Variants in ACO2 observed in about 807,000 individuals in gnomAD.
The protein encoded by ACO2 is aconitase 2.
Under a neutral mutation model 84.5 loss-of-function variants are expected in ACO2, and 31 were observed. The observed-to-expected ratio is 0.37, with a 90% CI of 0.28 to 0.50. The LOEUF is 0.50. ACO2 is among the 20% of genes least tolerant of loss of function. The probability of loss-of-function intolerance (pLI) is 0.97; values close to 1 mark genes in which losing one functional copy is unlikely to be tolerated. For missense variants in ACO2, 685 were observed against 1,029.3 expected (o/e 0.67, Z 4.58); for synonymous variants, 414 against 412.7 (o/e 1.00, Z -0.04).
At chr22:41,485,669 T>C (rs1427857171) in intron 1 of ACO2, among the ~76,000 whole-genome samples, 1 of 151,716 alleles carries the variant, frequency 6.6e-6, no homozygotes, top group Non-Finnish European at 1.5e-5. Flanking sequence ...GGTCTCGATC[T>C]CCTGACCTTG....
At chr22:41,508,080 A>C (rs2066407680) in intron 3 of ACO2, 31 bp downstream of exon 3, 2 of 1,593,698 alleles carry the variant, frequency 1.3e-6, no homozygotes, top group Non-Finnish European at 1.7e-6. Flanking sequence ...GGGGTGGGCA[A>C]GTGGGCAAGA....
intron 3 of ACO2, among the ~76,000 whole-genome samples, chr22:41,508,567 C>T (rs1205949932): frequency 2.6e-5 from 4 of 152,228 alleles, no homozygotes; most frequent in Non-Finnish European, 5.9e-5. Flanking sequence ...AATGCTGATC[C>T]TGGCTCCCAC....
At chr22:41,525,158 CT>C in intron 13 of ACO2, 34 bp from the exon 14 acceptor site, 1 of 1,609,472 alleles carries the variant, frequency 6.2e-7, no homozygotes, top group Non-Finnish European at 8.5e-7. Context: ...GAACTGAGGA[CT>C]CAGCACCCCA....
intron 3 of ACO2, among the ~76,000 whole-genome samples, chr22:41,510,099 G>GT (rs1043554926): frequency 1.6e-4 from 25 of 152,174 alleles, no homozygotes; most frequent in African/African-American, 5.8e-4. Flanking sequence ...GCCTCCCAAA[G>GT]TGCTGGGATT....
At chr22:41,499,891 G>A (rs2066341751) in intron 2 of ACO2, 29 bp downstream of exon 2, 2 of 1,610,692 alleles carry the variant, frequency 1.2e-6, no homozygotes, top group African/African-American at 1.3e-5. Context: ...GGCTGTGACT[G>A]TCAAGGGCAT....
At position 41,519,326 on chromosome 22, in the gene ACO2, G is replaced by A. The variant is rs955371642; in HGVS notation, c.1032+754G>A. On this transcript the variant is annotated intron_variant, in intron 8 of 17. Transcript: ENST00000216254. ...ACTTAAGTTGTGTGGCCTTGGTCAC[G>A]CACTTAGCCTCTGTAGGCCCCTTGC... 3.1e-4 allele frequency among the ~76,000 whole-genome samples: 47 copies of A among 152,198 alleles called. 1 individual carries two copies. Among genetic ancestry groups the A allele is most frequent in the Admixed American group, 2.9e-3 (44 of 15,278 alleles).
chr22:41,520,320 G>C, intron 9 of ACO2, 44 bp downstream of exon 9: 2 of 1,504,468 alleles, frequency 1.3e-6, no homozygotes, highest in Non-Finnish European at 1.8e-6. Flanking sequence ...CTCAGGGCCA[G>C]TGGCTCTGCC....
At chr22:41,527,591 G>A in intron 16 of ACO2, 171 bp downstream of exon 16, 1 of 946,368 alleles carries the variant, frequency 1.1e-6, no homozygotes, top group Non-Finnish European at 1.5e-6. Context: ...CCGACGCTCA[G>A]CTTCCCGGCT....
chr22:41,523,833 G>T lies in ACO2; in HGVS notation c.1374G>T (p.Lys458Asn). 6.2e-7 allele frequency: 1 copy of T among 1,611,994 alleles called. No individual in the cohort carries two copies. The highest frequency in any genetic ancestry group is 8.5e-7 in the Non-Finnish European group (1 of 1,179,830). ...CGPCIGQWDR[K>N]DIKKGEKNTI... ...CCTGATCCCTCTGACCTGGCAGGAA[G>T]GACATCAAGAAGGGGGAGAAGAACA... Residue 458 changes from lysine to asparagine, a missense_variant, in exon 12 of 18, where the codon AAG becomes AAT. By Grantham distance (94) the Lys-to-Asn change is moderately conservative (BLOSUM62 0). Coordinates refer to ENST00000216254, the MANE Select transcript of ACO2 (RefSeq NM_001098.3).
intron 1 of ACO2, 97 bp downstream of exon 1, chr22:41,469,279 G>A (rs1449873927): frequency 2.1e-6 from 3 of 1,440,256 alleles, no homozygotes; most frequent in African/African-American, 1.5e-5. Flanking sequence ...GCCCAACCTG[G>A]GGCCAACTTC....
intron 1 of ACO2, among the ~76,000 whole-genome samples, chr22:41,496,149 C>G (rs908967600): frequency 6.6e-6 from 1 of 151,404 alleles, no homozygotes; most frequent in African/African-American, 2.4e-5. Context: ...CCATCTCCAC[C>G]AAGAAAGTAC....
intron 10 of ACO2, 41 bp downstream of exon 10, chr22:41,523,028 G>A: frequency 6.2e-7 from 1 of 1,608,316 alleles, no homozygotes; most frequent in Non-Finnish European, 8.5e-7. Context: ...CCCACCCCAT[G>A]CTGAGTAATG....
intron 1 of ACO2, among the ~76,000 whole-genome samples, chr22:41,486,626 G>A (rs1000760593): frequency 4.0e-5 from 6 of 150,490 alleles, no homozygotes; most frequent in Non-Finnish European, 5.9e-5. Context: ...ACCCGCCACC[G>A]TGCCCGGCCA....
rs1467050044 is a variant in ACO2 at position 41,527,891 on chromosome 22, T to A, written c.2087-10T>A. ...AGGCCCCCGATGACCGAATGCCGCC[T>A]GCTTTCCAGAGACCAACCTGAAGAA... On this transcript the variant is annotated splice_polypyrimidine_tract_variant and intron_variant, in intron 16 of 17. Coordinates refer to ENST00000216254, the MANE Select transcript of ACO2 (RefSeq NM_001098.3). 1 of 1,614,146 alleles carries A rather than the reference T, an allele frequency of 6.2e-7. No individual in the cohort carries two copies. Among genetic ancestry groups the A allele is most frequent in the Admixed American group, 1.7e-5 (1 of 60,028 alleles).
Position 41,515,731 on chromosome 22 carries a change from C to T in ACO2, c.685-36C>T, listed in dbSNP as rs367627820. 33 of 1,611,820 alleles carry T rather than the reference C, an allele frequency of 2.0e-5. No individual in the cohort carries two copies. The African/African-American group carries it at 3.1e-4, about 15-fold the overall frequency. ...ACTTCGTGGCTGGCACAGGCACACACGGCCTCTCACAGCCGCCTCGCCCCC... is the reference window on the plus strand; with the variant it reads ...ACTTCGTGGCTGGCACAGGCACACATGGCCTCTCACAGCCGCCTCGCCCCC... On this transcript the variant is annotated intron_variant, in intron 5 of 17. Coordinates refer to ENST00000216254, the MANE Select transcript of ACO2 (RefSeq NM_001098.3). This position sits in a 1 kb window ranked among gnomAD's most constrained non-coding sequence, Gnocchi z 5.8.
chr22:41,507,667 C>T, intron 2 of ACO2, 124 bp from the exon 3 acceptor site: 1 of 1,365,034 alleles, frequency 7.3e-7, no homozygotes. Context: ...ACGTTGAGGT[C>T]CTGAGTTCAG....
intron 9 of ACO2, 55 bp from the exon 10 acceptor site, chr22:41,522,775 A>G: frequency 6.3e-7 from 1 of 1,583,228 alleles, no homozygotes. Context: ...TCAGGTGGAG[A>G]CCTCTGCTCA....
intron 1 of ACO2, among the ~76,000 whole-genome samples, chr22:41,497,881 T>A (rs1489227780): frequency 6.9e-6 from 1 of 145,730 alleles, no homozygotes; most frequent in African/African-American, 2.6e-5. Context: ...AGACTCCCTT[T>A]AAAAAAAAAT....
chr22:41,501,372 C>T (rs1019023042), intron 2 of ACO2, among the ~76,000 whole-genome samples: 1 of 152,186 alleles, frequency 6.6e-6, no homozygotes, highest in East Asian at 1.9e-4. Flanking sequence ...GCAGTCAGCT[C>T]TGCCCTGCTG....
Sources: allele counts gnomAD v4.1 joint callset (sites outside exome capture counted in the v4.1 genomes callset), GRCh38; gene constraint gnomAD v4.1.1; non-coding constraint Gnocchi (gnomAD v3.1); transcripts MANE v1.5; gene names NCBI Gene and HGNC (gene_info 2026-07-23, HGNC 2026-07-21).